Variants in RABGAP1L observed in about 807,000 individuals in gnomAD.
The protein encoded by RABGAP1L is RAB GTPase activating protein 1 like.
RABGAP1L carries 63 observed loss-of-function variants against 137.7 expected under a neutral mutation model. That is an observed-to-expected ratio of 0.46 (90% CI 0.37 to 0.56). The LOEUF (loss-of-function observed/expected upper bound fraction) is 0.56, where lower values mean the gene tolerates loss of function less well. Among genes scored for constraint, RABGAP1L ranks in the 20% least tolerant of loss-of-function variants. RABGAP1L has a pLI of 0.00. For synonymous variants in RABGAP1L, 431 were observed against 433.7 expected (o/e 0.99, Z 0.08); for missense variants, 1,095 against 1,244.0 (o/e 0.88, Z 1.80).
chr1:174,598,695 C>T lies in RABGAP1L; in HGVS notation c.1711-38680C>T, dbSNP rs575016452. 2.8e-4 allele frequency among the ~76,000 whole-genome samples: 43 copies of T among 152,068 alleles called. 1 individual carries two copies. In the South Asian group the frequency reaches 8.7e-3, roughly 31 times the overall value. ...TTTTCATAGTTTTTAATATTGAATT[C>T]TATTTTATCTGATATAAGTGTAGCT... On this transcript the variant is annotated intron_variant, in intron 13 of 25. Transcript: ENST00000681986.
chr1:174,672,265 ATT>A (rs75473740), intron 14 of RABGAP1L, among the ~76,000 whole-genome samples: 101 of 133,836 alleles, frequency 7.5e-4, no homozygotes, highest in Non-Finnish European at 1.3e-3. Flanking sequence ...CATTTCATTG[ATT>A]TTTTTTTTCC....
At chr1:174,804,269 G>GTTTTTTT (rs1558095370) in intron 18 of RABGAP1L, among the ~76,000 whole-genome samples, 22 of 110,196 alleles carry the variant, frequency 2.0e-4, no homozygotes, top group East Asian at 1.7e-3. Context: ...GTTTTGTTTT[G>GTTTTTTT]TTTTGTTTTT....
chr1:174,160,374 C>G (rs541367509), intron 1 of RABGAP1L, among the ~76,000 whole-genome samples: 68 of 152,286 alleles, frequency 4.5e-4, no homozygotes, highest in Non-Finnish European at 8.5e-4. Flanking sequence ...CGGTACAGGG[C>G]TGGGCAGTGC....
chr1:174,682,740 A>G (rs1678174994), intron 14 of RABGAP1L, among the ~76,000 whole-genome samples: 1 of 152,212 alleles, frequency 6.6e-6, no homozygotes, highest in South Asian at 2.1e-4. Context: ...GAAAACTAAG[A>G]GGGAATGTTA....
intron 15 of RABGAP1L, among the ~76,000 whole-genome samples, chr1:174,684,607 T>C (rs1678321834): frequency 6.6e-6 from 1 of 152,142 alleles, no homozygotes; most frequent in African/African-American, 2.4e-5. Context: ...CATATGATCA[T>C]TTTAGATAAA....
intron 1 of RABGAP1L, among the ~76,000 whole-genome samples, chr1:174,217,416 T>C (rs375828762): frequency 6.6e-6 from 1 of 152,184 alleles, no homozygotes; most frequent in South Asian, 2.1e-4. Context: ...TGACAGACAT[T>C]ACTTAGAGTG....
intron 17 of RABGAP1L, among the ~76,000 whole-genome samples, chr1:174,727,607 A>G (rs933505014): frequency 5.9e-5 from 9 of 152,354 alleles, no homozygotes; most frequent in East Asian, 5.8e-4. Flanking sequence ...CTGGTATTCT[A>G]TTGCATGGTA....
intron 7 of RABGAP1L, among the ~76,000 whole-genome samples, chr1:174,268,366 A>T (rs1310148271): frequency 2.0e-5 from 3 of 151,204 alleles, no homozygotes. Context: ...CGCCCGGCTA[A>T]TTTTTTTTGT....
At chr1:174,417,854 G>A (rs1290030043) in intron 13 of RABGAP1L, among the ~76,000 whole-genome samples, 2 of 152,152 alleles carry the variant, frequency 1.3e-5, no homozygotes, top group Non-Finnish European at 2.9e-5. Context: ...TAGAAAATGT[G>A]TTTTAGAACT....
rs140861250 is a variant in RABGAP1L at position 174,257,039 on chromosome 1, C to T, written c.986+4449C>T. The stretch of plus-strand genomic sequence containing the variant: ...TTGATATAGATTCCTAAATTTAACC[C>T]CACCTCCTCCCCCCAGTACTATATA... On this transcript the variant is annotated intron_variant, in intron 7 of 25. Coordinates refer to ENST00000681986, the MANE Select transcript of RABGAP1L (RefSeq NM_001366446.1). Among the ~76,000 whole-genome samples, 179 of 152,164 alleles carry T rather than the reference C, an allele frequency of 1.2e-3. 1 individual carries two copies. The highest frequency in any genetic ancestry group is 4.2e-3 in the African/African-American group (175 of 41,516).
chr1:174,595,492 A>G (rs1350556391), intron 13 of RABGAP1L, among the ~76,000 whole-genome samples: 7 of 35,608 alleles, frequency 2.0e-4, no homozygotes, highest in Non-Finnish European at 9.3e-5. Flanking sequence ...GGTTTTATCT[A>G]CTTTTGGTCT....
At chr1:174,306,471 A>T (rs1678260059) in intron 11 of RABGAP1L, among the ~76,000 whole-genome samples, 1 of 152,128 alleles carries the variant, frequency 6.6e-6, no homozygotes, top group East Asian at 1.9e-4. Flanking sequence ...CTGGTGTGAG[A>T]TGGTATCTCA....
Position 174,312,342 on chromosome 1 carries a change from A to G in RABGAP1L, c.1465+7215A>G, listed in dbSNP as rs1459873696. On this transcript the variant is annotated intron_variant, in intron 11 of 25. Transcript: ENST00000681986. ...TTGATTTGCATTTCCCTGATGATCA[A>G]AGATGTTGAGCATCTTTTCATATGC... 5.3e-5 allele frequency among the ~76,000 whole-genome samples: 8 copies of G among 152,154 alleles called. No individual in the cohort carries two copies. The East Asian group carries it at 9.6e-4, about 18-fold the overall frequency.
At chr1:174,468,121 G>GAT (rs1657508994) in intron 13 of RABGAP1L, among the ~76,000 whole-genome samples, 1 of 151,954 alleles carries the variant, frequency 6.6e-6, no homozygotes. Flanking sequence ...TGAGACTTAA[G>GAT]ATAAATTATT....
At chr1:174,796,015 C>G (rs1558086340) in intron 18 of RABGAP1L, among the ~76,000 whole-genome samples, 1 of 152,266 alleles carries the variant, frequency 6.6e-6, no homozygotes, top group South Asian at 2.1e-4. Flanking sequence ...TTGCAGGGCC[C>G]CAGGCAGAGA....
At chr1:174,802,629 C>T (rs7521109) in intron 18 of RABGAP1L, among the ~76,000 whole-genome samples, 31,850 of 152,098 alleles carry the variant, frequency 0.21, 3,661 homozygotes, top group Admixed American at 0.25. Context: ...GAAAAGCATA[C>T]GCTGATTTAT....
At chr1:174,929,796 A>ATAAG (rs1663463741) in intron 19 of RABGAP1L, among the ~76,000 whole-genome samples, 1 of 149,898 alleles carries the variant, frequency 6.7e-6, no homozygotes, top group African/African-American at 2.4e-5. Flanking sequence ...AAATAAATAA[A>ATAAG]TAAGAAATTT....
intron 19 of RABGAP1L, among the ~76,000 whole-genome samples, chr1:174,836,927 C>T (rs1031795029): frequency 3.3e-5 from 5 of 152,294 alleles, no homozygotes; most frequent in African/African-American, 1.2e-4. Context: ...ATGTTCCAGG[C>T]GGGGCGCAGT....
chr1:174,532,332 C>T (rs1376601820), intron 13 of RABGAP1L, among the ~76,000 whole-genome samples: 2 of 151,928 alleles, frequency 1.3e-5, no homozygotes, highest in Admixed American at 1.3e-4. Flanking sequence ...CCTCAGCCTC[C>T]TGAGTATCTG....
Sources: allele counts gnomAD v4.1 joint callset (sites outside exome capture counted in the v4.1 genomes callset), GRCh38; gene constraint gnomAD v4.1.1; transcripts MANE v1.5; gene names NCBI Gene and HGNC (gene_info 2026-07-23, HGNC 2026-07-21).